The following PIM2 variants were observed in gnomAD, a reference collection of about 807,000 sequenced individuals.
PIM2 encodes Pim-2 proto-oncogene, serine/threonine kinase, also known as serine/threonine-protein kinase pim-2.
Under a neutral mutation model 18.0 loss-of-function variants are expected in PIM2, and 3 were observed. That is an observed-to-expected ratio of 0.17 (90% CI 0.08 to 0.43). The LOEUF (loss-of-function observed/expected upper bound fraction) is 0.43. PIM2 is among the 20% of genes least tolerant of loss of function. PIM2 has a pLI of 0.99. For missense variants in PIM2, 181 were observed against 260.8 expected, an observed-to-expected ratio of 0.69 and a Z score of 2.11; for synonymous variants, 117 against 105.3, an observed-to-expected ratio of 1.11 and a Z score of -0.68.
At chrX:48,914,924 G>A in intron 4 of PIM2, 96 bp downstream of exon 4, 1 of 766,145 alleles carries the variant, frequency 1.3e-6, no homozygotes, top group Non-Finnish European at 1.9e-6. Context: ...ATGCAGTATG[G>A]GTCAAGGATT....
In PIM2 at chrX:48,918,823, C is replaced by A. The variant is rs781807647; in HGVS notation, c.12G>T (p.Lys4Asn). MLT[K>N]PLQGPPAPPG... ...GGGGCGCGGGAGGCCCCTGTAGAGG[C>A]TTGGTCAACATGGAGGTGGCGCTGC... Residue 4 changes from lysine to asparagine, a missense_variant, in exon 1 of 6, where the codon AAG becomes AAT. Around this residue, in one of 5 missense-constraint regions of PIM2, gnomAD observed 104 missense variants for 125.3 expected, o/e 0.83. Transcript: ENST00000376509. 1.1e-5 allele frequency: 13 copies of A among 1,194,800 alleles called. No individual in the cohort carries two copies. In the South Asian group the frequency reaches 1.6e-4, roughly 15 times the overall value.
chrX:48,914,116 C>T lies in PIM2; in HGVS notation c.*15G>A. On this transcript the variant is annotated 3_prime_UTR_variant, in exon 6 of 6. Transcript: ENST00000376509. Reference sequence around the variant, plus strand: ...CTCTTCTGACCATTGGGGGCCAGGCCAGGCCAGGCCAGGCTTAGGGTAGCA... The same window carrying T: ...CTCTTCTGACCATTGGGGGCCAGGCTAGGCCAGGCCAGGCTTAGGGTAGCA... 1 of 1,048,407 alleles carries T rather than the reference C, an allele frequency of 9.5e-7. No homozygotes were observed. The highest frequency in any genetic ancestry group is 1.3e-6 in the Non-Finnish European group (1 of 787,580). The allele number at this position is 1,048,407 out of a possible 1,213,427, so 86.4% of individuals were successfully genotyped here.
Position 48,914,022 on chromosome X carries a change from G to T in PIM2, c.*109C>A. 4.2e-6 allele frequency: 2 copies of T among 479,830 alleles called. No individual in the cohort carries two copies. The highest frequency in any genetic ancestry group is 7.4e-5 in the South Asian group (2 of 27,103). The allele number at this position is 479,830 out of a possible 1,213,427, so 39.5% of individuals were successfully genotyped here. A position where few individuals can be genotyped will look rare whatever the true frequency, so the allele number is the denominator to read the frequency against. The stretch of plus-strand genomic sequence containing the variant: ...TACCTTAGTAATACTGGACTTTAAT[G>T]ACTGGTAATGACCTGTAAAACCAAG... On this transcript the variant is annotated 3_prime_UTR_variant, in exon 6 of 6. Coordinates refer to ENST00000376509, the MANE Select transcript of PIM2 (RefSeq NM_006875.4).
intron 3 of PIM2, among the ~76,000 whole-genome samples, chrX:48,917,120 A>G (rs1475460796): frequency 1.6e-4 from 17 of 108,323 alleles, no homozygotes; most frequent in Non-Finnish European, 3.3e-4. Context: ...GCGTCACCTC[A>G]CTCCAGCCTG....
intron 3 of PIM2, 109 bp from the exon 4 acceptor site, chrX:48,915,501 G>T: frequency 1.3e-6 from 1 of 781,722 alleles, no homozygotes; most frequent in Non-Finnish European, 1.8e-6. Flanking sequence ...TTTCCTGACA[G>T]TGTGTCGCTA....
chrX:48,914,447 C>T lies in PIM2; in HGVS notation c.720G>A (p.Arg240=), dbSNP rs782493554. ...DMVCGDIPFE[R]DQEILEAELH... ...GCTCAGCTTCCAGAATCTCCTGGTC[C>T]CTCTCAAAGGGAATGTCCCCACACA... Residue 240 remains arginine (R), a synonymous_variant, in exon 5 of 6, where the codon AGG becomes AGA. Transcript: ENST00000376509. The T allele has an allele frequency of 1.7e-6, 2 of 1,210,476 alleles. No individual in the cohort carries two copies. Among genetic ancestry groups the T allele is most frequent in the Non-Finnish European group, 2.2e-6 (2 of 895,056 alleles).
chrX:48,918,306 C>G (rs781880440), intron 2 of PIM2, among the ~76,000 whole-genome samples: 1 of 75,098 alleles, frequency 1.3e-5, no homozygotes, highest in African/African-American at 5.0e-5. Context: ...CTGCCCCCCC[C>G]CCCCGCCCAT....
At chrX:48,914,763 C>T (rs2063558426) in intron 4 of PIM2, 192 bp from the exon 5 acceptor site, 1 of 463,271 alleles carries the variant, frequency 2.2e-6, no homozygotes, top group Non-Finnish European at 3.7e-6. Context: ...GTAACAGGAT[C>T]CCCTTACCAG....
In PIM2 at chrX:48,915,052, A is replaced by G; in HGVS notation, c.563T>C (p.Leu188Pro). 8.3e-7 allele frequency: 1 copy of G among 1,208,460 alleles called. No individual in the cohort carries two copies. Residue 188 changes from leucine to proline, a missense_variant, in exon 4 of 6, where the codon CTG becomes CCG. Leu to Pro is a moderately conservative substitution (Grantham distance 98). This residue lies in a region of PIM2 where 26 missense variants were observed against 31.1 expected (regional missense o/e 0.84). Coordinates refer to ENST00000376509, the MANE Select transcript of PIM2 (RefSeq NM_006875.4). Reference sequence around the variant, plus strand: ...GTCAGTGTAGGGTTCATCATGAAGCAGGGCACCAGAACCAAAATCAATGAG... The same window carrying G: ...GTCAGTGTAGGGTTCATCATGAAGCGGGGCACCAGAACCAAAATCAATGAG... ...AKLIDFGSGA[L>P]LHDEPYTDFD... is the part of the protein sequence containing the mutation.
At chrX:48,917,468 C>G (rs1443785763) in intron 3 of PIM2, among the ~76,000 whole-genome samples, 2 of 113,356 alleles carry the variant, frequency 1.8e-5, no homozygotes, top group Non-Finnish European at 3.7e-5. Flanking sequence ...GTTATAACGG[C>G]AAGAGAGAAG....
rs782502991 is a variant in PIM2 at position 48,919,017 on chromosome X, A to G, written c.-183T>C. On this transcript the variant is annotated 5_prime_UTR_variant, in exon 1 of 6. Transcript: ENST00000376509. ...AGATTCGCCGCGCGCGCCAGCCCCA[A>G]TGCTACTGAGCCTGGGCACGCGCCT... 4.1e-5 allele frequency: 17 copies of G among 417,616 alleles called. No individual in the cohort carries two copies. Among genetic ancestry groups the G allele is most frequent in the East Asian group, 1.3e-4 (3 of 22,698 alleles). The allele number at this position is 417,616 out of a possible 1,213,427, so 34.4% of individuals were successfully genotyped here.
intron 3 of PIM2, 75 bp downstream of exon 3, chrX:48,917,706 T>C: frequency 1.3e-6 from 1 of 794,338 alleles, no homozygotes; most frequent in Non-Finnish European, 1.9e-6. Flanking sequence ...GAGTCATACA[T>C]CCCCTGGAAA....
At chrX:48,916,510 G>A (rs1001850951) in intron 3 of PIM2, among the ~76,000 whole-genome samples, 1 of 108,931 alleles carries the variant, frequency 9.2e-6, no homozygotes, top group Non-Finnish European at 1.9e-5. Context: ...TCGGGAGTTC[G>A]AGACCAGCCT....
chrX:48,917,217 C>A (rs1016899240), intron 3 of PIM2, among the ~76,000 whole-genome samples: 1 of 111,448 alleles, frequency 9.0e-6, no homozygotes, highest in East Asian at 2.8e-4. Flanking sequence ...CTCCCCAAGC[C>A]CTGCGCAGGT....
At chrX:48,914,783 A>C in intron 4 of PIM2, 1 of 457,162 alleles carries the variant, frequency 2.2e-6, no homozygotes, top group Non-Finnish European at 3.7e-6. Flanking sequence ...GAGAAAGAAT[A>C]CTCAGGATGG....
rs782254272 is a variant in PIM2 at position 48,915,138 on chromosome X, A to C, written c.477T>G (p.Val159=). The stretch of plus-strand genomic sequence containing the variant: ...TCTCATCCTTGATGTCACGATGGAC[A>C]ACTCCACGGGAATGGCAGTGCTGGA... ...AAIQHCHSRG[V]VHRDIKDENI... The change falls in exon 4 of 6, where the codon GTT becomes GTG. Residue 159 remains valine, a synonymous_variant. Coordinates refer to ENST00000376509, the MANE Select transcript of PIM2 (RefSeq NM_006875.4). 74 of 1,211,104 alleles carry C rather than the reference A, an allele frequency of 6.1e-5. 1 individual carries two copies. The highest frequency in any genetic ancestry group is 7.9e-5 in the Non-Finnish European group (71 of 895,400).
chrX:48,918,437 A>C (rs910376947), intron 2 of PIM2, 99 bp downstream of exon 2: 8 of 566,426 alleles, frequency 1.4e-5, no homozygotes, highest in African/African-American at 2.5e-5. Context: ...TCCTCTACAC[A>C]CTCTGCAGGC....
chrX:48,917,155 C>CA (rs35615368), intron 3 of PIM2, among the ~76,000 whole-genome samples: 11,342 of 98,515 alleles, frequency 0.12, 559 homozygotes, highest in South Asian at 0.29. Context: ...ACTGTGTCTC[C>CA]AAAAAAAAAA....
At position 48,918,769 on chromosome X, in the gene PIM2, C is replaced by G. The variant is rs1557045576; in HGVS notation, c.61+5G>C. 3.4e-6 allele frequency: 4 copies of G among 1,191,801 alleles called. No homozygotes were observed. The highest frequency in any genetic ancestry group is 6.0e-5 in the East Asian group (2 of 33,513). On this transcript the variant is annotated splice_donor_5th_base_variant and intron_variant, in intron 1 of 5. Transcript: ENST00000376509. ...TCTGGTTGCAGTAGGGGAGGATGTA[C>G]TCACCTGGCGGCGGCGTGGGGGTCC...
Sources: gnomAD v4.1 joint callset for allele counts (sites outside exome capture counted in the v4.1 genomes callset) on GRCh38, gnomAD v4.1.1 for gene constraint, gnomAD v4.1.1 regional missense constraint, MANE v1.5 for transcripts, NCBI Gene and HGNC (gene_info 2026-07-23, HGNC 2026-07-21) for gene names.